SDK2: variants seen among roughly 807,000 people sequenced by gnomAD.
SDK2 encodes protein sidekick-2.
In SDK2, 105 loss-of-function variants were observed where a neutral mutation model predicts 253.9. That is an observed-to-expected ratio of 0.41 (90% CI 0.35 to 0.49). The LOEUF is 0.49. Among genes scored for constraint, SDK2 ranks in the 20% least tolerant of loss-of-function variants. The probability of loss-of-function intolerance (pLI) is 0.06; values close to 1 mark genes in which losing one functional copy is unlikely to be tolerated. For synonymous variants in SDK2, 1,249 were observed against 1,234.9 expected (o/e 1.01, Z -0.24); for missense variants, 2,608 against 3,003.0 (o/e 0.87, Z 3.07).
chr17:73,548,220 G>A (rs573242031), intron 1 of SDK2, among the ~76,000 whole-genome samples: 4 of 152,206 alleles, frequency 2.6e-5, no homozygotes, highest in Admixed American at 6.5e-5. Context: ...CTAATGTCAC[G>A]GGGCTAGGAA....
intron 1 of SDK2, among the ~76,000 whole-genome samples, chr17:73,514,612 G>C (rs2064008717): frequency 6.6e-6 from 1 of 152,206 alleles, no homozygotes; most frequent in South Asian, 2.1e-4. Context: ...TTGGCCAAAT[G>C]ATGTCCATCT....
intron 13 of SDK2, 61 bp from the exon 14 acceptor site, chr17:73,423,583 C>A: frequency 6.9e-7 from 1 of 1,456,550 alleles, no homozygotes; most frequent in Non-Finnish European, 9.1e-7. Flanking sequence ...GACGGGGGCG[C>A]TGTGGACACA....
At position 73,483,651 on chromosome 17, in the gene SDK2, G is replaced by GTT. The variant is rs2063746663; in HGVS notation, c.225-11434_225-11433insAA. Among the ~76,000 whole-genome samples, 2 of 39,894 alleles carry GTT rather than the reference G, an allele frequency of 5.0e-5. 1 individual carries two copies. Among genetic ancestry groups the GTT allele is most frequent in the Admixed American group, 6.1e-4 (2 of 3,254 alleles). The allele number at this position is 39,894 out of a possible 152,430, so 26.2% of individuals were successfully genotyped here. A position where few individuals can be genotyped will look rare whatever the true frequency, so the allele number is the denominator to read the frequency against. ...TATATGTATATATATATGTGTGTGT[G>GTT]TGTGTGTGTGTATATATATATATAT... On this transcript the variant is annotated intron_variant, in intron 2 of 44. Transcript: ENST00000392650.
chr17:73,356,492 G>T (rs897789715), intron 40 of SDK2, among the ~76,000 whole-genome samples: 4 of 152,168 alleles, frequency 2.6e-5, no homozygotes, highest in African/African-American at 9.7e-5. Context: ...TAGAAAGGGG[G>T]TGTATTTAGT....
chr17:73,578,422 G>T (rs946591027), intron 1 of SDK2, among the ~76,000 whole-genome samples: 1 of 152,170 alleles, frequency 6.6e-6, no homozygotes, highest in African/African-American at 2.4e-5. Flanking sequence ...CTCCCAAACT[G>T]TAAGATAACA....
At chr17:73,387,374 A>AT (rs757649542) in intron 30 of SDK2, among the ~76,000 whole-genome samples, 59 of 149,260 alleles carry the variant, frequency 4.0e-4, no homozygotes, top group Non-Finnish European at 7.7e-4. Context: ...TTTTAGATTT[A>AT]TGGGGGGTGG....
chr17:73,344,701 C>T (rs1242008162), intron 44 of SDK2, among the ~76,000 whole-genome samples: 1 of 152,240 alleles, frequency 6.6e-6, no homozygotes, highest in East Asian at 1.9e-4. Context: ...TTTGGCACAA[C>T]TTTGGGCTGC....
At chr17:73,573,273 G>T (rs753458845) in intron 1 of SDK2, among the ~76,000 whole-genome samples, 1 of 152,188 alleles carries the variant, frequency 6.6e-6, no homozygotes, top group Non-Finnish European at 1.5e-5. Flanking sequence ...TTGAGACAAT[G>T]ATGAGTCTAA....
At chr17:73,532,594 C>T (rs114060350) in intron 1 of SDK2, among the ~76,000 whole-genome samples, 6 of 152,344 alleles carry the variant, frequency 3.9e-5, no homozygotes, top group African/African-American at 1.4e-4. Context: ...GCTGTGATGA[C>T]GTTGCCAGAC....
chr17:73,472,008 G>T, intron 3 of SDK2, 104 bp downstream of exon 3: 1 of 828,874 alleles, frequency 1.2e-6, no homozygotes, highest in African/African-American at 1.7e-5. Context: ...CTCAGTGGGT[G>T]TTGATGGCCA....
chr17:73,427,606 CAACA>C (rs2063293221), intron 12 of SDK2, among the ~76,000 whole-genome samples: 1 of 108,118 alleles, frequency 9.2e-6, no homozygotes, highest in South Asian at 3.2e-4. Flanking sequence ...GAAGTCTTTT[CAACA>C]AACAGTGCTG....
At chr17:73,362,104 G>C (rs2062646510) in intron 38 of SDK2, among the ~76,000 whole-genome samples, 1 of 152,188 alleles carries the variant, frequency 6.6e-6, no homozygotes, top group South Asian at 2.1e-4. Flanking sequence ...ACTACTGTCT[G>C]TGTCTACTGA....
In SDK2 at chr17:73,440,886, G is replaced by A. The variant is rs1472650380; in HGVS notation, c.651C>T (p.Ile217=). ...GGPADPIAPT[I]IIPPKNTSVV... The stretch of plus-strand genomic sequence containing the variant: ...CGCTGGTGTTTTTAGGTGGGATGAT[G>A]ATGGTGGGTGCGATGGGGTCTGCAG... Residue 217 remains isoleucine (I), a synonymous_variant, in exon 6 of 45, where the codon ATC becomes ATT. Transcript: ENST00000392650. The A allele has an allele frequency of 3.9e-6, 6 of 1,551,678 alleles. No individual in the cohort carries two copies. The highest frequency in any genetic ancestry group is 4.4e-6 in the Non-Finnish European group (5 of 1,146,962).
At chr17:73,548,983 T>G (rs1474933423) in intron 1 of SDK2, among the ~76,000 whole-genome samples, 1 of 152,182 alleles carries the variant, frequency 6.6e-6, no homozygotes, top group Non-Finnish European at 1.5e-5. Flanking sequence ...AGAGTCTCAA[T>G]GACAACCCCG....
Position 73,419,069 on chromosome 17 carries a change from C to G in SDK2, c.2186+97G>C, listed in dbSNP as rs557878459. 2.2e-6 allele frequency: 3 copies of G among 1,377,234 alleles called. No individual in the cohort carries two copies. The East Asian group carries it at 7.4e-5, about 34-fold the overall frequency. The allele number at this position is 1,377,234 out of a possible 1,614,324, so 85.3% of individuals were successfully genotyped here. On this transcript the variant is annotated intron_variant, in intron 16 of 44. Coordinates refer to ENST00000392650, the MANE Select transcript of SDK2 (RefSeq NM_001144952.2). Reference sequence around the variant, plus strand: ...CTAGTCCTTCCTAGATGGCGAAGGGCCTGCCATGAATTTGCACTGTTTTCC... The same window carrying G: ...CTAGTCCTTCCTAGATGGCGAAGGGGCTGCCATGAATTTGCACTGTTTTCC...
chr17:73,569,444 C>T lies in SDK2; in HGVS notation c.65-61847G>A, dbSNP rs372493190. Among the ~76,000 whole-genome samples, 4 of 152,124 alleles carry T rather than the reference C, an allele frequency of 2.6e-5. No homozygotes were observed. In the South Asian group the frequency reaches 6.2e-4, roughly 24 times the overall value. On this transcript the variant is annotated intron_variant, in intron 1 of 44. Transcript: ENST00000392650. ...AACTCCTGACCTTAGGTGATCTGCCCACCTGGGCCTCCCAAAGTGCTGGGA... is the reference window on the plus strand; with the variant it reads ...AACTCCTGACCTTAGGTGATCTGCCTACCTGGGCCTCCCAAAGTGCTGGGA...
At chr17:73,553,288 T>C (rs1395708952) in intron 1 of SDK2, among the ~76,000 whole-genome samples, 8 of 152,182 alleles carry the variant, frequency 5.3e-5, no homozygotes, top group African/African-American at 1.9e-4. Context: ...GGGAAATTGA[T>C]ATTGATAGAC....
At chr17:73,403,311 G>A (rs2063044338) in intron 18 of SDK2, among the ~76,000 whole-genome samples, 2 of 152,172 alleles carry the variant, frequency 1.3e-5, no homozygotes, top group African/African-American at 4.8e-5. Context: ...CTCCTTCTAA[G>A]TTGGGATTTC....
chr17:73,400,799 A>G (rs938416329), intron 21 of SDK2, among the ~76,000 whole-genome samples: 1 of 152,026 alleles, frequency 6.6e-6, no homozygotes, highest in African/African-American at 2.4e-5. Context: ...GATCACAAGC[A>G]TGCACCACCA....
Sources: allele counts gnomAD v4.1 joint callset (sites outside exome capture counted in the v4.1 genomes callset), GRCh38; gene constraint gnomAD v4.1.1; transcripts MANE v1.5; gene names NCBI Gene and HGNC (gene_info 2026-07-23, HGNC 2026-07-21).